The following PCDH15 variants were observed in gnomAD, a reference collection of about 807,000 sequenced individuals.
PCDH15 encodes protocadherin related 15, also known as protocadherin-15.
A neutral mutation model predicts 178.5 loss-of-function variants in PCDH15; 129 were observed. The observed-to-expected ratio is 0.72, with a 90% CI of 0.63 to 0.84. The LOEUF (loss-of-function observed/expected upper bound fraction) is 0.84, where lower values mean the gene tolerates loss of function less well. PCDH15 is among the 40% of genes least tolerant of loss of function. The pLI, the probability that PCDH15 is intolerant of heterozygous loss-of-function variation, is 0.00. For synonymous variants in PCDH15, 800 were observed against 732.0 expected, an observed-to-expected ratio of 1.09 and a Z score of -1.50; for missense variants, 2,230 against 2,099.9, an observed-to-expected ratio of 1.06 and a Z score of -1.21.
chr10:54,294,413 T>G (rs775783906), intron 8 of PCDH15, among the ~76,000 whole-genome samples: 2 of 152,124 alleles, frequency 1.3e-5, no homozygotes, highest in African/African-American at 2.4e-5. Flanking sequence ...TGTATACCTA[T>G]GTATTCAATC....
At chr10:53,835,242 GT>G (rs1376850851) in intron 29 of PCDH15, among the ~76,000 whole-genome samples, 1 of 152,076 alleles carries the variant, frequency 6.6e-6, no homozygotes, top group Non-Finnish European at 1.5e-5. Flanking sequence ...AAACATTGTG[GT>G]TTAAAGGCAG....
intron 2 of PCDH15, among the ~76,000 whole-genome samples, chr10:55,591,334 C>T (rs1294669615): frequency 2.6e-5 from 4 of 151,962 alleles, no homozygotes; most frequent in Admixed American, 6.6e-5. Context: ...ACTCTGGAGG[C>T]TGAGGTAGGA....
At chr10:54,384,557 T>C (rs1949693971) in intron 3 of PCDH15, among the ~76,000 whole-genome samples, 1 of 152,164 alleles carries the variant, frequency 6.6e-6, no homozygotes, top group Admixed American at 6.5e-5. Context: ...AAAAATCCTC[T>C]TGGGTATGCT....
chr10:54,464,175 C>G (rs113814465), intron 3 of PCDH15, among the ~76,000 whole-genome samples: 1 of 152,108 alleles, frequency 6.6e-6, no homozygotes, highest in Non-Finnish European at 1.5e-5. Flanking sequence ...TGGGAACACC[C>G]TATTTGTGCC....
chr10:55,436,858 T>C (rs1349464409), intron 2 of PCDH15, among the ~76,000 whole-genome samples: 1 of 152,220 alleles, frequency 6.6e-6, no homozygotes, highest in Non-Finnish European at 1.5e-5. Context: ...AATTCCGTTG[T>C]ATCATTCAGA....
chr10:54,447,925 T>C (rs1379019608), intron 3 of PCDH15, among the ~76,000 whole-genome samples: 1 of 147,422 alleles, frequency 6.8e-6, no homozygotes, highest in Non-Finnish European at 1.5e-5. Context: ...ATAAATATCC[T>C]TAAATAAAAC....
At chr10:54,592,471 A>G (rs1270968742) in intron 2 of PCDH15, among the ~76,000 whole-genome samples, 1 of 152,132 alleles carries the variant, frequency 6.6e-6, no homozygotes, top group Non-Finnish European at 1.5e-5. Flanking sequence ...AATGATCATC[A>G]TAATCAAGCT....
At chr10:53,810,701 T>C (rs910753896) in intron 36 of PCDH15, 37 bp from the exon 37 acceptor site, 22 of 1,546,116 alleles carry the variant, frequency 1.4e-5, no homozygotes, top group Middle Eastern at 3.3e-4. Context: ...CAGTTTGTCA[T>C]GTGATTTCTG....
intron 2 of PCDH15, among the ~76,000 whole-genome samples, chr10:54,954,928 A>G (rs1266742477): frequency 6.6e-6 from 1 of 151,278 alleles, no homozygotes; most frequent in East Asian, 1.9e-4. Flanking sequence ...CCTTGTGAAT[A>G]TGTCTTATAC....
At chr10:54,284,800 C>T (rs2058932248) in intron 8 of PCDH15, among the ~76,000 whole-genome samples, 1 of 152,096 alleles carries the variant, frequency 6.6e-6, no homozygotes, top group Non-Finnish European at 1.5e-5. Context: ...TATCTAAGAC[C>T]CTTTTGCCTT....
At chr10:55,521,089 C>T (rs928272496) in intron 2 of PCDH15, among the ~76,000 whole-genome samples, 2 of 151,914 alleles carry the variant, frequency 1.3e-5, no homozygotes, top group African/African-American at 4.8e-5. Flanking sequence ...CTCTGACTAA[C>T]CCCCAGCCCT....
At chr10:54,840,237 C>T (rs1283479341) in intron 3 of PCDH15, among the ~76,000 whole-genome samples, 1 of 151,780 alleles carries the variant, frequency 6.6e-6, no homozygotes, top group African/African-American at 2.4e-5. Flanking sequence ...TTAAAAATAA[C>T]TACAACTACA....
intron 2 of PCDH15, among the ~76,000 whole-genome samples, chr10:54,632,082 T>C (rs992059665): frequency 2.6e-5 from 4 of 152,088 alleles, no homozygotes; most frequent in African/African-American, 9.7e-5. Flanking sequence ...ATATACACCA[T>C]GGAATACTAC....
chr10:55,599,057 A>G (rs1401916231), intron 2 of PCDH15, among the ~76,000 whole-genome samples: 3 of 152,190 alleles, frequency 2.0e-5, no homozygotes, highest in Admixed American at 1.3e-4. Context: ...TAGATATAGT[A>G]CCGTAAGGGA....
At chr10:54,948,504 C>G (rs1461282863) in intron 2 of PCDH15, among the ~76,000 whole-genome samples, 1 of 151,912 alleles carries the variant, frequency 6.6e-6, no homozygotes, top group African/African-American at 2.4e-5. Flanking sequence ...TAAGGAGCTT[C>G]TGTAAGAGAT....
Position 54,099,513 on chromosome 10 carries a change from A to ATATATAT in PCDH15, c.1918-9451_1918-9450insATATATA, listed in dbSNP as rs1554965278. On this transcript the variant is annotated intron_variant, in intron 15 of 37. Transcript: ENST00000644397. ...GACTCCATCTCAAAAAAAAAAAAAA[A>ATATATAT]ATATATATATATATATATAAAACAA... Among the ~76,000 whole-genome samples, 15 of 117,930 alleles carry ATATATAT rather than the reference A, an allele frequency of 1.3e-4. 1 individual carries two copies. Among genetic ancestry groups the ATATATAT allele is most frequent in the African/African-American group, 5.0e-4 (13 of 26,094 alleles). The allele number at this position is 117,930 out of a possible 152,430, so 77.4% of individuals were successfully genotyped here. A position where few individuals can be genotyped will look rare whatever the true frequency, so the allele number is the denominator to read the frequency against.
intron 2 of PCDH15, among the ~76,000 whole-genome samples, chr10:54,652,203 G>A (rs1008362600): frequency 1.3e-5 from 2 of 152,086 alleles, no homozygotes; most frequent in African/African-American, 2.4e-5. Context: ...CTACTTTCAG[G>A]ACCTTTCTTT....
At chr10:53,986,356 T>C (rs1236020358) in intron 21 of PCDH15, among the ~76,000 whole-genome samples, 2 of 152,210 alleles carry the variant, frequency 1.3e-5, no homozygotes, top group Non-Finnish European at 1.5e-5. Flanking sequence ...ATTGCTACAC[T>C]TGTGCATTGT....
chr10:53,879,916 T>C (rs1427579933), intron 26 of PCDH15, among the ~76,000 whole-genome samples: 1 of 152,238 alleles, frequency 6.6e-6, no homozygotes, highest in South Asian at 2.1e-4. Context: ...CCTCCCAAAG[T>C]GCTGGTATCA....
Sources: gnomAD v4.1 joint callset for allele counts (sites outside exome capture counted in the v4.1 genomes callset) on GRCh38, gnomAD v4.1.1 for gene constraint, MANE v1.5 for transcripts, NCBI Gene and HGNC (gene_info 2026-07-23, HGNC 2026-07-21) for gene names.